Variants in TNRC6A observed in about 807,000 individuals in gnomAD.
TNRC6A encodes the protein trinucleotide repeat containing adaptor 6A.
In TNRC6A, 44 loss-of-function variants were observed where a neutral mutation model predicts 221.2. The ratio of observed to expected loss-of-function variants is 0.20; its 90% confidence interval spans 0.16 to 0.26. The LOEUF (loss-of-function observed/expected upper bound fraction) is 0.26. TNRC6A is among the 10% of genes least tolerant of loss of function. The probability of loss-of-function intolerance (pLI) is 1.00; values close to 1 mark genes in which losing one functional copy is unlikely to be tolerated. For missense variants in TNRC6A, 2,199 were observed against 2,404.4 expected (o/e 0.91, Z 1.79); for synonymous variants, 847 against 838.5 (o/e 1.01, Z -0.18).
At chr16:24,727,324 T>C (rs536898997), upstream of TNRC6A, among the ~76,000 whole-genome samples, 3 of 152,164 alleles carry the variant, frequency 2.0e-5, no homozygotes, top group Admixed American at 1.3e-4. Flanking sequence ...CCACCGCGCC[T>C]GGCCAAGAAA....
chr16:24,680,260 GA>G (rs994516255), intron 2 of TNRC6A, among the ~76,000 whole-genome samples: 54 of 142,398 alleles, frequency 3.8e-4, no homozygotes, highest in Admixed American at 7.7e-4. Flanking sequence ...TCTTTATGCA[GA>G]AAAAAAAAAA....
intron 2 of TNRC6A, among the ~76,000 whole-genome samples, chr16:24,714,410 A>C (rs997289671): frequency 1.4e-5 from 2 of 140,542 alleles, no homozygotes; most frequent in South Asian, 2.2e-4. Context: ...CCAGGTTCAC[A>C]CCATTCTCCT....
intron 3 of TNRC6A, among the ~76,000 whole-genome samples, chr16:24,758,135 T>C (rs565331777): frequency 6.6e-6 from 1 of 152,326 alleles, no homozygotes; most frequent in East Asian, 1.9e-4. Context: ...TTAATAAACA[T>C]AGTATCAGGG....
rs558177140 is a variant in TNRC6A, at chr16:24,787,761, A to G, written c.590-1471A>G. ...CCAGTCACTTTTCCAGACTGTTTCCAGATCTTCTTTTGCTTCTTAATGATT... is the reference window on the plus strand; with the variant it reads ...CCAGTCACTTTTCCAGACTGTTTCCGGATCTTCTTTTGCTTCTTAATGATT... On this transcript the variant is annotated intron_variant, in intron 5 of 24. Coordinates refer to ENST00000395799, the MANE Select transcript of TNRC6A (RefSeq NM_014494.4). 1.3e-4 allele frequency among the ~76,000 whole-genome samples: 20 copies of G among 152,254 alleles called. No homozygotes were observed. The South Asian group carries it at 3.3e-3, about 25-fold the overall frequency.
chr16:24,801,492 G>T (rs2058329275), intron 11 of TNRC6A, among the ~76,000 whole-genome samples: 1 of 150,210 alleles, frequency 6.7e-6, no homozygotes, highest in Admixed American at 6.6e-5. Flanking sequence ...ATGCAGAAGT[G>T]TTGGAGAATG....
intron 2 of TNRC6A, among the ~76,000 whole-genome samples, chr16:24,686,833 T>C (rs928331749): frequency 6.6e-6 from 1 of 152,148 alleles, no homozygotes; most frequent in Non-Finnish European, 1.5e-5. Flanking sequence ...CTAAACCCCC[T>C]GGCCTTAGAT....
At chr16:24,821,973 G>A (rs1281865921) in intron 22 of TNRC6A, 104 bp from the exon 23 acceptor site, 8 of 1,085,644 alleles carry the variant, frequency 7.4e-6, no homozygotes, top group Admixed American at 5.4e-5. Context: ...ATGTAGAAGT[G>A]CAAGGAAGTG....
chr16:24,672,626 A>G (rs989490507), intron 2 of TNRC6A, among the ~76,000 whole-genome samples: 4 of 151,842 alleles, frequency 2.6e-5, no homozygotes, highest in Non-Finnish European at 5.9e-5. Context: ...TATTTTTTGT[A>G]GAGACAGGAG....
intron 11 of TNRC6A, 100 bp from the exon 12 acceptor site, chr16:24,804,077 C>A (rs2058380552): frequency 7.8e-7 from 1 of 1,274,968 alleles, no homozygotes; most frequent in South Asian, 1.7e-5. Flanking sequence ...TGGCTGAAGT[C>A]ATTTCAGTTT....
chr16:24,709,950 G>A (rs2056172998), intron 2 of TNRC6A, among the ~76,000 whole-genome samples: 1 of 151,916 alleles, frequency 6.6e-6, no homozygotes, highest in East Asian at 1.9e-4. Flanking sequence ...TAAATATGCT[G>A]GGCGCAGTGG....
rs777599475 is a variant in TNRC6A, at chr16:24,791,164, A to T, written c.2522A>T (p.Asp841Val). 1.4e-5 allele frequency: 22 copies of T among 1,614,026 alleles called. No individual in the cohort carries two copies. In the Middle Eastern group the frequency reaches 2.1e-3, roughly 157 times the overall value. The change falls in exon 6 of 25, where the codon GAT becomes GTT. Residue 841 changes from aspartate to valine, a missense_variant. Physicochemically the swap from Asp to Val is radical, Grantham distance 152. Transcript: ENST00000395799. ...DSQKNKQGWG[D>V]GQKSSQGWSV... ...CAAAAGAATAAACAGGGATGGGGTGATGGACAAAAATCAAGCCAAGGGTGG... is the reference window on the plus strand; with the variant it reads ...CAAAAGAATAAACAGGGATGGGGTGTTGGACAAAAATCAAGCCAAGGGTGG...
At chr16:24,711,863 G>A (rs1596531954) in intron 2 of TNRC6A, among the ~76,000 whole-genome samples, 4 of 152,010 alleles carry the variant, frequency 2.6e-5, no homozygotes, top group Non-Finnish European at 1.5e-5. Flanking sequence ...ATCACACTAT[G>A]TTGCCCGGGC....
At chr16:24,701,612 C>G (rs988617563) in intron 2 of TNRC6A, among the ~76,000 whole-genome samples, 4 of 152,114 alleles carry the variant, frequency 2.6e-5, no homozygotes, top group Admixed American at 1.3e-4. Flanking sequence ...GCGATCTGCC[C>G]GTCTCAGCCT....
At chr16:24,786,843 G>A (rs888037037) in intron 5 of TNRC6A, among the ~76,000 whole-genome samples, 2 of 152,038 alleles carry the variant, frequency 1.3e-5, no homozygotes, top group East Asian at 1.9e-4. Context: ...CACCACGTCC[G>A]GCTCATTTTT....
chr16:24,697,930 T>A (rs1241125821), intron 2 of TNRC6A, among the ~76,000 whole-genome samples: 1 of 148,336 alleles, frequency 6.7e-6, no homozygotes, highest in Non-Finnish European at 1.5e-5. Context: ...ATCCCAGCTA[T>A]CGGAAGACTG....
chr16:24,765,076 G>A (rs2057444735), intron 4 of TNRC6A, among the ~76,000 whole-genome samples: 1 of 152,182 alleles, frequency 6.6e-6, no homozygotes, highest in Admixed American at 6.5e-5. Flanking sequence ...TGGAAAAGGA[G>A]GGGGACTACT....
chr16:24,805,804 G>C, intron 15 of TNRC6A, 71 bp downstream of exon 15: 1 of 1,596,238 alleles, frequency 6.3e-7, no homozygotes, highest in Non-Finnish European at 8.6e-7. Context: ...ACTAGACTCT[G>C]TGCGGGACAT....
chr16:24,625,299 C>T (rs1019193603), intron 1 of TNRC6A, among the ~76,000 whole-genome samples: 1 of 152,164 alleles, frequency 6.6e-6, no homozygotes, highest in Non-Finnish European at 1.5e-5. Context: ...AGAAAGAAAT[C>T]AATTATTGAG....
chr16:24,788,940 G>A (rs865939234), intron 5 of TNRC6A, among the ~76,000 whole-genome samples: 5 of 152,126 alleles, frequency 3.3e-5, no homozygotes, highest in African/African-American at 1.2e-4. Flanking sequence ...GAGCCACCAC[G>A]CCCGGCCCAA....
Sources: allele counts gnomAD v4.1 joint callset (sites outside exome capture counted in the v4.1 genomes callset), GRCh38; gene constraint gnomAD v4.1.1; transcripts MANE v1.5; gene names NCBI Gene and HGNC (gene_info 2026-07-23, HGNC 2026-07-21).